The following ZNF280C variants were observed in gnomAD, a reference collection of about 807,000 sequenced individuals.
ZNF280C encodes zinc finger protein 280C.
In ZNF280C, 14 loss-of-function variants were observed where a neutral mutation model predicts 53.6. That is an observed-to-expected ratio of 0.26 (90% CI 0.17 to 0.41). The LOEUF (loss-of-function observed/expected upper bound fraction) is 0.41. Ranked by LOEUF, ZNF280C falls within the 10% of genes least tolerant of loss-of-function variation. The pLI is 1.00. For missense variants in ZNF280C, 416 were observed against 547.1 expected (o/e 0.76, Z 2.39); for synonymous variants, 203 against 181.1 (o/e 1.12, Z -0.97).
chrX:130,209,833 T>C (rs1290713559), intron 15 of ZNF280C, 118 bp from the exon 16 acceptor site: 3 of 584,953 alleles, frequency 5.1e-6, no homozygotes, highest in South Asian at 3.0e-5. Flanking sequence ...AAGATCATGA[T>C]CTAAATAATA....
At chrX:130,233,464 A>G (rs1023963341) in intron 8 of ZNF280C, among the ~76,000 whole-genome samples, 1 of 109,222 alleles carries the variant, frequency 9.2e-6, no homozygotes, top group Admixed American at 9.8e-5. Flanking sequence ...TAAAAATACG[A>G]AATTAGCTGG....
chrX:130,213,457 G>C (rs752381458), intron 15 of ZNF280C, among the ~76,000 whole-genome samples: 2 of 112,288 alleles, frequency 1.8e-5, no homozygotes, highest in Admixed American at 1.9e-4. Flanking sequence ...AGAGCTGATT[G>C]AATCAAGCAT....
At chrX:130,208,670 C>T (rs911726095) in intron 16 of ZNF280C, among the ~76,000 whole-genome samples, 5 of 109,648 alleles carry the variant, frequency 4.6e-5, no homozygotes, top group Non-Finnish European at 9.5e-5. Flanking sequence ...TCTAATTCCT[C>T]GAATTCAATG....
Position 130,204,766 on chromosome X carries a change from AATATGTTAAG to A in ZNF280C, c.*201_*210del, listed in dbSNP as rs1027311599. 2 of 314,058 alleles carry A rather than the reference AATATGTTAAG, an allele frequency of 6.4e-6. No homozygotes were observed. Among genetic ancestry groups the A allele is most frequent in the African/African-American group, 5.7e-5 (2 of 35,233 alleles). The allele number at this position is 314,058 out of a possible 1,213,427, so 25.9% of individuals were successfully genotyped here. On this transcript the variant is annotated 3_prime_UTR_variant, in exon 19 of 19. Transcript: ENST00000370978. ...TTGGAGAGAGCCAACTGGAGAAAAAAATATGTTAAGATATGTTAACCTGACGCAAAGATAA... is the reference window on the plus strand; with the variant it reads ...TTGGAGAGAGCCAACTGGAGAAAAAAATATGTTAACCTGACGCAAAGATAA...
chrX:130,266,854 G>C (rs761932227), intron 1 of ZNF280C, among the ~76,000 whole-genome samples: 16 of 111,712 alleles, frequency 1.4e-4, no homozygotes. Context: ...TGTAATCCCA[G>C]CACTTTGGGA....
At chrX:130,212,061 G>C (rs2032046711) in intron 15 of ZNF280C, among the ~76,000 whole-genome samples, 1 of 111,481 alleles carries the variant, frequency 9.0e-6, no homozygotes, top group Non-Finnish European at 1.9e-5. Context: ...GGAAGAGGCA[G>C]ACTGGTAAAC....
At chrX:130,214,404 A>G (rs769034445) in intron 15 of ZNF280C, among the ~76,000 whole-genome samples, 6 of 111,856 alleles carry the variant, frequency 5.4e-5, no homozygotes, top group African/African-American at 1.9e-4. Flanking sequence ...ATGGATGATC[A>G]TAAAGACAAA....
At chrX:130,223,368 A>AT (rs1186570548) in intron 12 of ZNF280C, among the ~76,000 whole-genome samples, 1 of 111,837 alleles carries the variant, frequency 8.9e-6, no homozygotes, top group African/African-American at 3.2e-5. Context: ...AATTTGAGGG[A>AT]TTTTCAAGGG....
chrX:130,247,108 A>G (rs994056203), intron 2 of ZNF280C, 103 bp from the exon 3 acceptor site: 1 of 797,066 alleles, frequency 1.3e-6, no homozygotes, highest in Non-Finnish European at 1.8e-6. Flanking sequence ...TAATCCTAAT[A>G]GCAATTACTG....
At chrX:130,229,866 C>CTAA (rs2124704161) in intron 9 of ZNF280C, among the ~76,000 whole-genome samples, 1 of 112,052 alleles carries the variant, frequency 8.9e-6, no homozygotes, top group African/African-American at 3.2e-5. Context: ...AAAGGGCTTA[C>CTAA]TAAAACTTTT....
chrX:130,213,873 G>A (rs1033301410), intron 15 of ZNF280C, among the ~76,000 whole-genome samples: 2 of 112,531 alleles, frequency 1.8e-5, no homozygotes, highest in African/African-American at 6.5e-5. Context: ...AAACGTGGGT[G>A]AATCCTTCAA....
At chrX:130,206,552 TAGAC>T (rs999279573) in intron 16 of ZNF280C, among the ~76,000 whole-genome samples, 1 of 109,993 alleles carries the variant, frequency 9.1e-6, no homozygotes, top group Non-Finnish European at 1.9e-5. Context: ...TATTTTTTAG[TAGAC>T]AGGGTTTCAC....
At chrX:130,235,537 A>C (rs1337426140) in intron 8 of ZNF280C, among the ~76,000 whole-genome samples, 1 of 112,287 alleles carries the variant, frequency 8.9e-6, no homozygotes, top group East Asian at 2.8e-4. Context: ...AATAAAAATA[A>C]AATACAATAT....
intron 12 of ZNF280C, among the ~76,000 whole-genome samples, chrX:130,221,388 C>T (rs575752): frequency 0.48 from 53,190 of 109,984 alleles, 9,896 homozygotes; most frequent in African/African-American, 0.68. Context: ...TATACCTATA[C>T]CTCATTCAGT....
At chrX:130,205,194 A>G (rs187080580) in intron 17 of ZNF280C, 41 bp from the exon 18 acceptor site, 11,754 of 1,144,441 alleles carry the variant, frequency 0.01, 77 homozygotes, top group South Asian at 0.027. Flanking sequence ...AGCATATATG[A>G]AGAGTGAGAC....
chrX:130,243,762 T>C, intron 4 of ZNF280C, 38 bp downstream of exon 4: 1 of 1,170,998 alleles, frequency 8.5e-7, no homozygotes, highest in East Asian at 3.1e-5. Flanking sequence ...TATCAAAATA[T>C]TTAACTTTAA....
Position 130,246,839 on chromosome X carries a change from C to T in ZNF280C, c.178+20G>A, listed in dbSNP as rs1274592324. 8.3e-7 allele frequency: 1 copy of T among 1,202,396 alleles called. No homozygotes were observed. ...ACAACCATCTTATGAAACGTTACTT[C>T]ACTGAAAGTAAATGCTTACTTGAAA... On this transcript the variant is annotated intron_variant, in intron 3 of 18. Transcript: ENST00000370978.
intron 5 of ZNF280C, among the ~76,000 whole-genome samples, chrX:130,240,334 G>T (rs1323419533): frequency 9.0e-6 from 1 of 111,000 alleles, no homozygotes; most frequent in African/African-American, 3.3e-5. Context: ...ACCATCTACA[G>T]AAAACGAAAA....
At position 130,252,363 on chromosome X, in the gene ZNF280C, T is replaced by C. The variant is rs1345500813; in HGVS notation, c.32-5358A>G. On this transcript the variant is annotated intron_variant, in intron 2 of 18. Coordinates refer to ENST00000370978, the MANE Select transcript of ZNF280C (RefSeq NM_017666.5). ...TAAACAGAACTAAGGACAAAAACTA[T>C]CTGATTATCTCAATACACGCAGTAA... 2.7e-5 allele frequency among the ~76,000 whole-genome samples: 3 copies of C among 111,224 alleles called. No individual in the cohort carries two copies. In the Admixed American group the frequency reaches 2.9e-4, roughly 11 times the overall value.
Sources: gnomAD v4.1 joint callset for allele counts (sites outside exome capture counted in the v4.1 genomes callset) on GRCh38, gnomAD v4.1.1 for gene constraint, MANE v1.5 for transcripts, NCBI Gene and HGNC (gene_info 2026-07-23, HGNC 2026-07-21) for gene names.